The following WNT7A variants were observed in gnomAD, a reference collection of about 807,000 sequenced individuals.
The protein encoded by WNT7A is Wnt family member 7A.
WNT7A carries 16 observed loss-of-function variants against 28.2 expected under a neutral mutation model. The observed-to-expected ratio is 0.57, with a 90% CI of 0.38 to 0.86. The LOEUF (loss-of-function observed/expected upper bound fraction) is 0.86. Ranked by LOEUF, WNT7A falls within the 40% of genes least tolerant of loss-of-function variation. The pLI is 0.00. For missense variants in WNT7A, 411 were observed against 489.7 expected, an observed-to-expected ratio of 0.84 and a Z score of 1.52; for synonymous variants, 190 against 195.9, an observed-to-expected ratio of 0.97 and a Z score of 0.25.
chr3:13,841,171 A>T (rs1694451070), intron 3 of WNT7A, among the ~76,000 whole-genome samples: 1 of 152,200 alleles, frequency 6.6e-6, no homozygotes, highest in Non-Finnish European at 1.5e-5. Context: ...AAATAATCTC[A>T]GGCGTCAGTG....
chr3:13,830,791 C>A (rs1259928662), intron 3 of WNT7A, among the ~76,000 whole-genome samples: 1 of 152,218 alleles, frequency 6.6e-6, no homozygotes, highest in Non-Finnish European at 1.5e-5. Flanking sequence ...AGCCCTAAGG[C>A]CTTTTTAGGA....
intron 3 of WNT7A, among the ~76,000 whole-genome samples, chr3:13,826,542 T>C (rs975315360): frequency 6.6e-6 from 1 of 151,944 alleles, no homozygotes; most frequent in African/African-American, 2.4e-5. Context: ...GTTGAGCACA[T>C]AATGAGGACA....
rs1694572642 is a variant in WNT7A at position 13,848,288 on chromosome 3, C to A, written c.570+6244G>T. 3.3e-5 allele frequency among the ~76,000 whole-genome samples: 5 copies of A among 152,250 alleles called. No individual in the cohort carries two copies. The South Asian group carries it at 1.0e-3, about 32-fold the overall frequency. Reference sequence around the variant, plus strand: ...GACCCTATGAAGATGATAAAAAAGACAAGCTACAGTCTGGGAAAACATATT... The same window carrying A: ...GACCCTATGAAGATGATAAAAAAGAAAAGCTACAGTCTGGGAAAACATATT... On this transcript the variant is annotated intron_variant, in intron 3 of 3. Coordinates refer to ENST00000285018, the MANE Select transcript of WNT7A (RefSeq NM_004625.4).
intron 3 of WNT7A, among the ~76,000 whole-genome samples, chr3:13,848,681 TG>T (rs1040056633): frequency 4.1e-4 from 63 of 152,338 alleles, no homozygotes; most frequent in Admixed American, 1.6e-3. Context: ...GAAAATGGTT[TG>T]GCACTTTCTT....
chr3:13,861,308 G>A (rs1308474051), intron 2 of WNT7A, among the ~76,000 whole-genome samples: 1 of 152,192 alleles, frequency 6.6e-6, no homozygotes, highest in Non-Finnish European at 1.5e-5. Flanking sequence ...CCCAGGAGCA[G>A]AGGAAGAACC....
At chr3:13,868,487 C>CGAAA (rs1553576646) in intron 2 of WNT7A, among the ~76,000 whole-genome samples, 62 of 109,608 alleles carry the variant, frequency 5.7e-4, no homozygotes, top group Middle Eastern at 5.3e-3. Context: ...AAGGAAAGAA[C>CGAAA]GAAAGAAAGA....
At chr3:13,838,217 A>G (rs1694400740) in intron 3 of WNT7A, among the ~76,000 whole-genome samples, 2 of 152,130 alleles carry the variant, frequency 1.3e-5, no homozygotes, top group Admixed American at 6.5e-5. Context: ...CTGCTGCAGG[A>G]GTGGAGACCC....
chr3:13,838,223 G>A (rs568156947), intron 3 of WNT7A, among the ~76,000 whole-genome samples: 2 of 152,294 alleles, frequency 1.3e-5, no homozygotes, highest in Admixed American at 6.5e-5. Flanking sequence ...CAGGAGTGGA[G>A]ACCCAGGGCC....
intron 2 of WNT7A, 29 bp from the exon 3 acceptor site, chr3:13,854,832 T>A (rs760308332): frequency 6.2e-7 from 1 of 1,609,872 alleles, no homozygotes; most frequent in South Asian, 1.1e-5. Context: ...AGGAGACAAG[T>A]TGGGGTCAGG....
intron 2 of WNT7A, among the ~76,000 whole-genome samples, chr3:13,859,529 A>T (rs968296357): frequency 1.1e-4 from 16 of 152,162 alleles, no homozygotes; most frequent in Non-Finnish European, 1.6e-4. Context: ...CTTGCCCTGC[A>T]TCTGTTTTAT....
At chr3:13,869,790 C>T (rs1236943545) in intron 2 of WNT7A, among the ~76,000 whole-genome samples, 1 of 152,034 alleles carries the variant, frequency 6.6e-6, no homozygotes, top group Non-Finnish European at 1.5e-5. Flanking sequence ...CACCCCCCGC[C>T]CAAGGTAGCA....
chr3:13,868,584 G>GGA lies in WNT7A; in HGVS notation c.298+6362_298+6363insTC, dbSNP rs1559306902. ...GGGGAGAGAGAGAGAGAGAGAGAGA[G>GGA]AGAGAGGGAGAAAGAAAGAAAGAAA... is the stretch of plus-strand genomic sequence containing the variant. On this transcript the variant is annotated intron_variant, in intron 2 of 3. Transcript: ENST00000285018. Among the ~76,000 whole-genome samples, 8 of 17,964 alleles carry GGA rather than the reference G, an allele frequency of 4.5e-4. 1 individual carries two copies. The highest frequency in any genetic ancestry group is 1.9e-3 in the African/African-American group (6 of 3,186). The allele number at this position is 17,964 out of a possible 152,430, so 11.8% of individuals were successfully genotyped here. A position where few individuals can be genotyped will look rare whatever the true frequency, so the allele number is the denominator to read the frequency against.
Position 13,879,946 on chromosome 3 carries a change from C to G in WNT7A, c.-130G>C, listed in dbSNP as rs1695184531. The G allele has an allele frequency of 1.6e-6, 1 of 625,216 alleles. No individual in the cohort carries two copies. Among genetic ancestry groups the G allele is most frequent in the African/African-American group, 1.9e-5 (1 of 51,820 alleles). The allele number at this position is 625,216 out of a possible 1,614,324, so 38.7% of individuals were successfully genotyped here. On this transcript the variant is annotated 5_prime_UTR_variant, in exon 1 of 4. Transcript: ENST00000285018. ...GTCCCCGGGGCCGTCTGTCGGTGCG[C>G]CCGTCCGCGCGCTCCGCGCCTGAGC...
In WNT7A at chr3:13,856,969, G is replaced by A. The variant is rs13071134; in HGVS notation, c.299-2166C>T. Among the ~76,000 whole-genome samples the A allele has an allele frequency of 4.9e-3, 293 of 59,836 alleles. 5 individuals carry two copies. Among genetic ancestry groups the A allele is most frequent in the African/African-American group, 0.018 (221 of 12,090 alleles). The allele number at this position is 59,836 out of a possible 152,430, so 39.3% of individuals were successfully genotyped here. ...GAAGAAGAAGAAGAAGAAGAAGAAGGAGAAGAAGAAGAAGAAGGAGAAGAA... is the reference window on the plus strand; with the variant it reads ...GAAGAAGAAGAAGAAGAAGAAGAAGAAGAAGAAGAAGAAGAAGGAGAAGAA... On this transcript the variant is annotated intron_variant, in intron 2 of 3. Transcript: ENST00000285018.
At chr3:13,851,358 G>A (rs147280714) in intron 3 of WNT7A, among the ~76,000 whole-genome samples, 3 of 152,278 alleles carry the variant, frequency 2.0e-5, no homozygotes, top group Non-Finnish European at 4.4e-5. Context: ...TCGGCCACAC[G>A]GAGCCCCCAC....
intron 2 of WNT7A, among the ~76,000 whole-genome samples, chr3:13,856,427 GAAC>G (rs1307930059): frequency 6.6e-6 from 1 of 152,244 alleles, no homozygotes; most frequent in African/African-American, 2.4e-5. Flanking sequence ...AGCCCCTGGG[GAAC>G]TCAGCTCAAC....
intron 1 of WNT7A, among the ~76,000 whole-genome samples, chr3:13,878,556 C>A (rs1038265932): frequency 4.6e-5 from 7 of 152,146 alleles, no homozygotes; most frequent in African/African-American, 1.4e-4. Flanking sequence ...CGGCTCTGCA[C>A]GCACCTGCTA....
intron 2 of WNT7A, among the ~76,000 whole-genome samples, chr3:13,856,893 A>AAAAAGAAGAAG (rs1559303190): frequency 6.8e-5 from 5 of 73,358 alleles, no homozygotes; most frequent in South Asian, 5.3e-4. Context: ...AGAAGAAGAA[A>AAAAAGAAGAAG]AAGAAGAAGA....
chr3:13,864,798 A>G (rs1456195240), intron 2 of WNT7A, among the ~76,000 whole-genome samples: 1 of 152,190 alleles, frequency 6.6e-6, no homozygotes, highest in African/African-American at 2.4e-5. Context: ...TCTTCATTCT[A>G]TACACTGTGT....
Sources: gnomAD v4.1 joint callset for allele counts (sites outside exome capture counted in the v4.1 genomes callset) on GRCh38, gnomAD v4.1.1 for gene constraint, MANE v1.5 for transcripts, NCBI Gene and HGNC (gene_info 2026-07-23, HGNC 2026-07-21) for gene names.